The following NAPA variants were observed in gnomAD, a reference collection of about 807,000 sequenced individuals.
The protein encoded by NAPA is NSF attachment protein alpha.
In NAPA, 18 loss-of-function variants were observed where a neutral mutation model predicts 48.0. That is an observed-to-expected ratio of 0.38 (90% CI 0.26 to 0.56). The LOEUF is 0.56. Ranked by LOEUF, NAPA falls within the 20% of genes least tolerant of loss-of-function variation. The probability of loss-of-function intolerance (pLI) is 0.77; values close to 1 mark genes in which losing one functional copy is unlikely to be tolerated. For missense variants in NAPA, 315 were observed against 385.0 expected (o/e 0.82, Z 1.52); for synonymous variants, 152 against 149.9 (o/e 1.01, Z -0.10).
At position 47,489,711 on chromosome 19, in the gene NAPA, C is replaced by A. The variant is rs772657295; in HGVS notation, c.786G>T (p.Ser262=). 6.2e-7 allele frequency: 1 copy of A among 1,613,996 alleles called. No homozygotes were observed. Among genetic ancestry groups the A allele is most frequent in the African/African-American group, 1.3e-5 (1 of 75,048 alleles). Residue 262 remains serine (S), a splice_region_variant and synonymous_variant, in exon 10 of 11, where the codon TCG becomes TCT. Coordinates refer to ENST00000263354, the MANE Select transcript of NAPA (RefSeq NM_003827.4). ...EEQNVDSYTE[S]VKEYDSISRL... is the part of the protein sequence containing the mutation. ...CTGGCCCCCCATGCTGGCCACTCAC[C>A]GACTCGGTGTAGCTGTCCACATTCT...
intron 8 of NAPA, 110 bp downstream of exon 8, chr19:47,491,905 G>A (rs550253210): frequency 2.6e-5 from 24 of 940,744 alleles, no homozygotes; most frequent in Admixed American, 2.1e-4. Context: ...GGCTGGCAGG[G>A]GCCAGACGTG....
At chr19:47,511,134 A>G (rs532216389) in intron 1 of NAPA, among the ~76,000 whole-genome samples, 1 of 152,326 alleles carries the variant, frequency 6.6e-6, no homozygotes, top group South Asian at 2.1e-4. Context: ...GGGGTTCCCA[A>G]AGGGGAAGGG....
rs911931932 is a variant in NAPA, at chr19:47,506,992, G to A, written c.99-3490C>T. ...TTATTCACCTGGGGAACAGGTATCC[G>A]AGCATTTATTACGTGCCAGGAGATA... On this transcript the variant is annotated intron_variant, in intron 1 of 10. Transcript: ENST00000263354. The surrounding 1 kb of genome is among the most constrained non-coding windows in gnomAD (Gnocchi z 4.0). 2.6e-5 allele frequency: 4 copies of A among 152,252 alleles called. No homozygotes were observed. The highest frequency in any genetic ancestry group is 2.1e-4 in the South Asian group (1 of 4,838). 9.4% of individuals were successfully genotyped at this position (152,252 alleles called of 1,614,324 possible). A position where few individuals can be genotyped will look rare whatever the true frequency, so the allele number is the denominator to read the frequency against.
At chr19:47,500,831 G>A (rs1305196579) in intron 2 of NAPA, 82 bp from the exon 3 acceptor site, 5 of 1,120,322 alleles carry the variant, frequency 4.5e-6, no homozygotes, top group African/African-American at 1.6e-5. Flanking sequence ...CCTGGGAGGT[G>A]GGTCGGGCTC....
In NAPA at chr19:47,490,830, C is replaced by G; in HGVS notation, c.693G>C (p.Leu231=). 6.2e-7 allele frequency: 1 copy of G among 1,613,770 alleles called. No individual in the cohort carries two copies. Among genetic ancestry groups the G allele is most frequent in the Non-Finnish European group, 8.5e-7 (1 of 1,179,826 alleles). The change falls in exon 9 of 11, where the codon CTG becomes CTC. Residue 231 remains leucine, a synonymous_variant. Transcript: ENST00000263354. The part of the protein sequence containing the change: ...AKLAVQKYEE[L]FPAFSDSREC... ...CCCGGGAATCAGAGAAAGCTGGGAA[C>G]AGCTCCTCATACTTTTGGACAGCCA...
chr19:47,488,617 T>TA (rs11368749), intron 10 of NAPA: 47,775 of 257,678 alleles, frequency 0.19, 4,036 homozygotes, highest in African/African-American at 0.37. Flanking sequence ...ATTGTAGCTT[T>TA]AAAAAAAAAA....
At chr19:47,513,019 C>T (rs991731347) in intron 1 of NAPA, among the ~76,000 whole-genome samples, 11 of 152,176 alleles carry the variant, frequency 7.2e-5, no homozygotes, top group Non-Finnish European at 1.5e-4. Flanking sequence ...CCACCACACA[C>T]TGTTCTCTCT....
rs1428605746 is a variant in NAPA at position 47,492,005 on chromosome 19, G to GGTGTGCTACCTTGGCGTTGA, written c.656_666+9dup. 5 of 1,612,080 alleles carry GGTGTGCTACCTTGGCGTTGA rather than the reference G, an allele frequency of 3.1e-6. No homozygotes were observed. The highest frequency in any genetic ancestry group is 4.2e-6 in the Non-Finnish European group (5 of 1,178,376). The stretch of plus-strand genomic sequence containing the variant: ...TGGTGCGGTGGTCCTGCGGGCGTGG[G>GGTGTGCTACCTTGGCGTTGA]GTGTGCTACCTTGGCGTTGAGCATG... On this transcript the variant is annotated intron_variant, in intron 8 of 10. Coordinates refer to ENST00000263354, the MANE Select transcript of NAPA (RefSeq NM_003827.4).
At chr19:47,487,096 C>T (rs1968094703), downstream of NAPA, among the ~76,000 whole-genome samples, 1 of 152,210 alleles carries the variant, frequency 6.6e-6, no homozygotes, top group Non-Finnish European at 1.5e-5. Context: ...CAGCTGGTTT[C>T]TGCCCACCTT....
At chr19:47,513,758 C>T (rs150099086) in intron 1 of NAPA, among the ~76,000 whole-genome samples, 2 of 151,804 alleles carry the variant, frequency 1.3e-5, no homozygotes, top group African/African-American at 4.8e-5. Flanking sequence ...CCCTCCATCT[C>T]CTTGGCCAAG....
chr19:47,487,570 A>G (rs1263583552), downstream of NAPA: 1 of 152,302 alleles, frequency 6.6e-6, no homozygotes, highest in Non-Finnish European at 1.5e-5. Flanking sequence ...GGGGACCAGG[A>G]GTGTGAGAGG....
chr19:47,503,541 C>T lies in NAPA; in HGVS notation c.99-39G>A, dbSNP rs755088382. 1.3e-5 allele frequency: 21 copies of T among 1,589,646 alleles called. No individual in the cohort carries two copies. In the South Asian group the frequency reaches 1.3e-4, roughly 10 times the overall value. On this transcript the variant is annotated intron_variant, in intron 1 of 10. Coordinates refer to ENST00000263354, the MANE Select transcript of NAPA (RefSeq NM_003827.4). ...AAAGAAAAAAAGGAGACAATCTAGTCGGCTATCCAGGAGAAAGCAAGCATT... is the reference window on the plus strand; with the variant it reads ...AAAGAAAAAAAGGAGACAATCTAGTTGGCTATCCAGGAGAAAGCAAGCATT...
At chr19:47,491,258 GCAGTGACCTGCC>G (rs1285746450) in intron 8 of NAPA, 2 of 194,282 alleles carry the variant, frequency 1.0e-5, no homozygotes, top group African/African-American at 2.4e-5. Context: ...CCAGAGAGGG[GCAGTGACCTGCC>G]CAGGGCACGG....
chr19:47,509,517 C>T (rs1333590549), intron 1 of NAPA, among the ~76,000 whole-genome samples: 5 of 152,128 alleles, frequency 3.3e-5, no homozygotes, highest in Non-Finnish European at 5.9e-5. Flanking sequence ...CAGCACCCCA[C>T]GGCGTGCCCA....
chr19:47,496,542 G>C (rs1968428848), intron 3 of NAPA: 1 of 165,918 alleles, frequency 6.0e-6, no homozygotes, highest in Admixed American at 6.2e-5. Flanking sequence ...GGGTTGGGGA[G>C]AGGGAAAGGC....
intron 3 of NAPA, among the ~76,000 whole-genome samples, chr19:47,500,029 T>A (rs1246421562): frequency 6.6e-6 from 1 of 152,208 alleles, no homozygotes; most frequent in Admixed American, 6.5e-5. Context: ...CTGGACCTCC[T>A]CTTCGGGAGG....
intron 1 of NAPA, among the ~76,000 whole-genome samples, chr19:47,512,406 T>C (rs575031092): frequency 3.3e-5 from 5 of 152,238 alleles, no homozygotes; most frequent in African/African-American, 4.8e-5. Context: ...AATGACATCA[T>C]CGAGCCCCTC....
intron 1 of NAPA, among the ~76,000 whole-genome samples, chr19:47,509,196 T>C (rs1968752948): frequency 6.6e-6 from 1 of 151,808 alleles, no homozygotes; most frequent in African/African-American, 2.4e-5. Flanking sequence ...GAAAAGGTGC[T>C]CAATGGTTGC....
chr19:47,493,676 ACTAGAGGC>A lies in NAPA; in HGVS notation c.343-191_343-184del, dbSNP rs537935403. ...AGGAGTGAGAAGGGAGGGCCCCAGC[ACTAGAGGC>A]CTGGCTATGCGTGCTGGGCTGAGCG... On this transcript the variant is annotated intron_variant, in intron 4 of 10. Coordinates refer to ENST00000263354, the MANE Select transcript of NAPA (RefSeq NM_003827.4). The surrounding 1 kb of genome is among the most constrained non-coding windows in gnomAD (Gnocchi z 6.4). 24 of 619,136 alleles carry A rather than the reference ACTAGAGGC, an allele frequency of 3.9e-5. No individual in the cohort carries two copies. In the South Asian group the frequency reaches 4.2e-4, roughly 11 times the overall value. The allele number at this position is 619,136 out of a possible 1,614,324, so 38.4% of individuals were successfully genotyped here.
Sources: allele counts gnomAD v4.1 joint callset (sites outside exome capture counted in the v4.1 genomes callset), GRCh38; gene constraint gnomAD v4.1.1; non-coding constraint Gnocchi (gnomAD v3.1); transcripts MANE v1.5; gene names NCBI Gene and HGNC (gene_info 2026-07-23, HGNC 2026-07-21).